The following RFX8 variants were observed in gnomAD, a reference collection of about 807,000 sequenced individuals.
The protein encoded by RFX8 is DNA-binding protein RFX8.
Under a neutral mutation model 54.6 loss-of-function variants are expected in RFX8, and 46 were observed. The ratio of observed to expected loss-of-function variants is 0.84; its 90% CI spans 0.67 to 1.08. The LOEUF (loss-of-function observed/expected upper bound fraction) is 1.08, where lower values mean the gene tolerates loss of function less well. RFX8 is among the 50% of genes least tolerant of loss of function. RFX8 has a pLI of 0.00. For missense variants in RFX8, 536 were observed against 562.3 expected (o/e 0.95, Z 0.47); for synonymous variants, 192 against 209.5 (o/e 0.92, Z 0.72).
chr2:101,443,247 G>A lies in RFX8; in HGVS notation c.73-20775C>T, dbSNP rs557213896. On this transcript the variant is annotated intron_variant, in intron 2 of 11. Transcript: ENST00000428343. ...GCTCACTCTCTTATCACCACCTTTC[G>A]GAGTTTTCCTTTGGTTGCCTCTTGC... 7.0e-4 allele frequency among the ~76,000 whole-genome samples: 106 copies of A among 152,144 alleles called. 1 individual carries two copies. Among genetic ancestry groups the A allele is most frequent in the African/African-American group, 2.4e-3 (101 of 41,512 alleles).
At chr2:101,453,339 A>G (rs904136153) in intron 2 of RFX8, among the ~76,000 whole-genome samples, 1 of 151,408 alleles carries the variant, frequency 6.6e-6, no homozygotes, top group Non-Finnish European at 1.5e-5. Context: ...AGAAAATGCC[A>G]TTTAAATCTC....
chr2:101,460,522 G>C (rs1156433472), intron 2 of RFX8, among the ~76,000 whole-genome samples: 1 of 152,104 alleles, frequency 6.6e-6, no homozygotes, highest in Non-Finnish European at 1.5e-5. Context: ...ATAGAAGTCT[G>C]GTCTAGTTTC....
chr2:101,431,126 CCAACCAACCA>C (rs1558863544), intron 2 of RFX8, among the ~76,000 whole-genome samples: 3 of 14,100 alleles, frequency 2.1e-4, no homozygotes, highest in African/African-American at 3.7e-4. Context: ...ATCCATCCAT[CCAACCAACCA>C]TCCATCCATC....
At chr2:101,411,311 C>T (rs770722753) in intron 8 of RFX8, among the ~76,000 whole-genome samples, 4 of 152,214 alleles carry the variant, frequency 2.6e-5, no homozygotes, top group Non-Finnish European at 4.4e-5. Context: ...TGCAGTGGCC[C>T]CTCTGAGGCT....
chr2:101,423,801 C>T (rs1461511028), intron 2 of RFX8, among the ~76,000 whole-genome samples: 2 of 152,192 alleles, frequency 1.3e-5, no homozygotes, highest in Admixed American at 6.5e-5. Context: ...CCATCCCACA[C>T]AGTGCTGCAC....
intron 11 of RFX8, among the ~76,000 whole-genome samples, chr2:101,399,735 T>C (rs1187608639): frequency 6.6e-6 from 1 of 152,208 alleles, no homozygotes; most frequent in Non-Finnish European, 1.5e-5. Flanking sequence ...TAGACATGAG[T>C]ATCCCCATAA....
At chr2:101,441,337 T>C (rs1038865184) in intron 2 of RFX8, among the ~76,000 whole-genome samples, 4 of 152,160 alleles carry the variant, frequency 2.6e-5, no homozygotes, top group Admixed American at 6.5e-5. Flanking sequence ...GTAGGTGATT[T>C]GGTCTTGAGG....
intron 2 of RFX8, among the ~76,000 whole-genome samples, chr2:101,466,309 G>GAAA (rs34805689): frequency 7.5e-6 from 1 of 132,458 alleles, no homozygotes; most frequent in Non-Finnish European, 1.6e-5. Context: ...TTCTATCTCG[G>GAAA]AAAAAAAAAA....
intron 1 of RFX8, chr2:101,474,188 G>C (rs1357024824): frequency 4.8e-6 from 3 of 626,376 alleles, no homozygotes; most frequent in African/African-American, 1.9e-5. Context: ...CGTCCCAGGC[G>C]CCTGGCGGCT....
intron 2 of RFX8, among the ~76,000 whole-genome samples, chr2:101,441,415 T>C (rs891455730): frequency 1.1e-4 from 17 of 152,256 alleles, no homozygotes; most frequent in Admixed American, 1.1e-3. Flanking sequence ...CTGGTGGCTT[T>C]GTAAAAGAGG....
intron 2 of RFX8, chr2:101,452,308 AT>A: frequency 3.7e-6 from 3 of 815,308 alleles, no homozygotes; most frequent in Non-Finnish European, 5.5e-6. Context: ...TTTGTTTTGC[AT>A]TTTTTATCAT....
In RFX8 at chr2:101,417,556, G is replaced by A; in HGVS notation, c.480C>T (p.Leu160=). The change falls in exon 6 of 12, where the codon CTC becomes CTT. Residue 160 remains leucine (L), a synonymous_variant. Coordinates refer to ENST00000428343, the MANE Select transcript of RFX8 (RefSeq NM_001145664.2). ...LLNALEGVPA[L]LQISKLKEVT... ...TACCTTTGAGTTTGGAGATCTGCAA[G>A]AGGGCTGGAACACCTTCCAAAGCAT... is the stretch of plus-strand genomic sequence containing the variant. The A allele has an allele frequency of 6.5e-7, 1 of 1,549,398 alleles. No homozygotes were observed. Among genetic ancestry groups the A allele is most frequent in the Non-Finnish European group, 8.7e-7 (1 of 1,146,134 alleles).
chr2:101,468,959 A>T (rs1165732974), intron 1 of RFX8, among the ~76,000 whole-genome samples: 1 of 141,702 alleles, frequency 7.1e-6, no homozygotes, highest in African/African-American at 2.7e-5. Flanking sequence ...ATATATAGCC[A>T]GCATATATAT....
intron 2 of RFX8, among the ~76,000 whole-genome samples, chr2:101,443,147 G>T (rs1423926138): frequency 6.6e-6 from 1 of 152,142 alleles, no homozygotes; most frequent in East Asian, 1.9e-4. Flanking sequence ...ATTGAGTCTG[G>T]GTTTCAGGGT....
At chr2:101,446,112 T>TA (rs35370799) in intron 2 of RFX8, among the ~76,000 whole-genome samples, 22 of 151,870 alleles carry the variant, frequency 1.4e-4, no homozygotes, top group East Asian at 9.7e-4. Context: ...CTTAATGCTT[T>TA]AAAAAAAAAA....
intron 11 of RFX8, among the ~76,000 whole-genome samples, chr2:101,399,410 T>A (rs1685304487): frequency 6.6e-6 from 1 of 152,260 alleles, no homozygotes; most frequent in Non-Finnish European, 1.5e-5. Context: ...GTTTAATTAA[T>A]CTCTAATGTG....
intron 6 of RFX8, 42 bp downstream of exon 6, chr2:101,417,492 C>T (rs1258332847): frequency 6.6e-7 from 1 of 1,522,242 alleles, no homozygotes; most frequent in East Asian, 2.5e-5. Context: ...AGGCATGAGC[C>T]ACTGTGCCAG....
At chr2:101,429,997 T>C (rs925962051) in intron 2 of RFX8, among the ~76,000 whole-genome samples, 2 of 152,190 alleles carry the variant, frequency 1.3e-5, no homozygotes, top group African/African-American at 4.8e-5. Flanking sequence ...AACCAAGTCA[T>C]AGAAAACTGG....
At position 101,466,920 on chromosome 2, in the gene RFX8, G is replaced by T. The variant is rs991403121; in HGVS notation, c.-52-20C>A. 1.5e-5 allele frequency: 17 copies of T among 1,141,734 alleles called. No individual in the cohort carries two copies. Among genetic ancestry groups the T allele is most frequent in the Non-Finnish European group, 2.2e-5 (17 of 776,302 alleles). 70.7% of individuals were successfully genotyped at this position (1,141,734 alleles called of 1,614,324 possible). Reference sequence around the variant, plus strand: ...ACCAACCTGGAGGAGAGGAGGACAAGGAGGAGGAAATTGGCATTTGTTTTT... The same window carrying T: ...ACCAACCTGGAGGAGAGGAGGACAATGAGGAGGAAATTGGCATTTGTTTTT... On this transcript the variant is annotated intron_variant, in intron 1 of 11. Transcript: ENST00000428343.
Sources: gnomAD v4.1 joint callset for allele counts (sites outside exome capture counted in the v4.1 genomes callset) on GRCh38, gnomAD v4.1.1 for gene constraint, MANE v1.5 for transcripts, NCBI Gene and HGNC (gene_info 2026-07-23, HGNC 2026-07-21) for gene names.